The following SUCLA2 variants were observed in gnomAD, a reference collection of about 807,000 sequenced individuals.
The protein encoded by SUCLA2 is succinate-CoA ligase ADP-forming subunit beta, also known as succinate--CoA ligase [ADP-forming] subunit beta, mitochondrial.
Under a neutral mutation model 54.8 loss-of-function variants are expected in SUCLA2, and 30 were observed. The observed-to-expected ratio is 0.55, with a 90% confidence interval of 0.41 to 0.74. SUCLA2 has a LOEUF of 0.74. SUCLA2 is among the 30% of genes least tolerant of loss of function. The pLI is 0.00. For synonymous variants in SUCLA2, 172 were observed against 188.9 expected (o/e 0.91, Z 0.74); for missense variants, 476 against 562.9 (o/e 0.85, Z 1.56).
Position 47,943,171 on chromosome 13 carries a change from T to G in SUCLA2, c.*200A>C, listed in dbSNP as rs1949699441. The G allele has an allele frequency of 6.9e-6, 4 of 576,648 alleles. No homozygotes were observed. In the East Asian group the frequency reaches 1.2e-4, roughly 17 times the overall value. 35.7% of individuals were successfully genotyped at this position (576,648 alleles called of 1,614,324 possible). On this transcript the variant is annotated 3_prime_UTR_variant, in exon 11 of 11. Coordinates refer to ENST00000646932, the MANE Select transcript of SUCLA2 (RefSeq NM_003850.3). ...GCTGCGACAAAAGAAAGAAGATAAC[T>G]GCATTATACATGCTTCGTACAAACA... is the stretch of plus-strand genomic sequence containing the variant.
At chr13:48,000,101 C>T (rs1354181439) in intron 1 of SUCLA2, among the ~76,000 whole-genome samples, 6 of 150,866 alleles carry the variant, frequency 4.0e-5, no homozygotes, top group Admixed American at 4.0e-4. Context: ...AACTCACTAC[C>T]CCTAGGCTGA....
chr13:47,968,900 T>C lies in SUCLA2; in HGVS notation c.664-167A>G, dbSNP rs182303499. 2.5e-3 allele frequency among the ~76,000 whole-genome samples: 386 copies of C among 152,318 alleles called. 1 individual carries two copies. Among genetic ancestry groups the C allele is most frequent in the African/African-American group, 8.7e-3 (361 of 41,582 alleles). On this transcript the variant is annotated intron_variant, in intron 5 of 10. Transcript: ENST00000646932. ...ATTACTAAATGGTTAAACAAAACTT[T>C]TTATTCAAAATCTTCAAAAGATAGA...
At chr13:47,995,268 G>A (rs189694288) in intron 2 of SUCLA2, among the ~76,000 whole-genome samples, 4 of 152,040 alleles carry the variant, frequency 2.6e-5, no homozygotes, top group African/African-American at 9.6e-5. Flanking sequence ...ATATAAATCA[G>A]GTCCCATTAA....
intron 6 of SUCLA2, among the ~76,000 whole-genome samples, chr13:47,963,144 G>A (rs1031637017): frequency 6.6e-6 from 1 of 152,184 alleles, no homozygotes; most frequent in Non-Finnish European, 1.5e-5. Flanking sequence ...ATACTTCTCA[G>A]TGATTGGCTG....
intron 5 of SUCLA2, among the ~76,000 whole-genome samples, chr13:47,968,946 T>C (rs1412143092): frequency 6.6e-6 from 1 of 152,222 alleles, no homozygotes; most frequent in Non-Finnish European, 1.5e-5. Flanking sequence ...ATTTTATAGA[T>C]AAGAAAGAGA....
At chr13:47,955,105 G>T (rs1046326244) in intron 6 of SUCLA2, among the ~76,000 whole-genome samples, 2 of 152,076 alleles carry the variant, frequency 1.3e-5, no homozygotes, top group Non-Finnish European at 2.9e-5. Context: ...TTGAAGATTT[G>T]TCTAATTAAA....
At position 47,988,684 on chromosome 13, in the gene SUCLA2, C is replaced by T. The variant is rs772934054; in HGVS notation, c.391G>A (p.Val131Ile). ...IVFSPEEAKA[V>I]SSQMIGKKLF... is the part of the protein sequence containing the mutation. ...TTTTTCCCAATCATTTGTGAAGAAA[C>T]AGCTTTTGCTTCTTCTGGACTAAAA... is the stretch of plus-strand genomic sequence containing the variant. Residue 131 changes from valine to isoleucine, a missense_variant, in exon 4 of 11, where the codon GTT (valine) becomes ATT (isoleucine). This residue lies in a region of SUCLA2 where 342 missense variants were observed against 444.2 expected (regional missense o/e 0.77). Transcript: ENST00000646932. 6 of 1,613,670 alleles carry T rather than the reference C, an allele frequency of 3.7e-6. No individual in the cohort carries two copies. Among genetic ancestry groups the T allele is most frequent in the East Asian group, 2.2e-5 (1 of 44,840 alleles).
At chr13:47,997,879 C>G (rs1950202217) in intron 1 of SUCLA2, among the ~76,000 whole-genome samples, 1 of 152,132 alleles carries the variant, frequency 6.6e-6, no homozygotes, top group African/African-American at 2.4e-5. Context: ...TCTGCAGATT[C>G]CTGAGACCCA....
chr13:47,976,468 G>C (rs1298050097), intron 4 of SUCLA2, among the ~76,000 whole-genome samples: 1 of 152,172 alleles, frequency 6.6e-6, no homozygotes, highest in African/African-American at 2.4e-5. Flanking sequence ...CAGCTTCTTG[G>C]AGGGCTGTCC....
At chr13:47,983,057 C>T (rs7991049) in intron 4 of SUCLA2, among the ~76,000 whole-genome samples, 10,195 of 152,134 alleles carry the variant, frequency 0.067, 646 homozygotes, top group East Asian at 0.18. Flanking sequence ...CAGGACTATG[C>T]TCTTAGCCTC....
At chr13:47,977,001 GA>G (rs201766625) in intron 4 of SUCLA2, among the ~76,000 whole-genome samples, 9,685 of 132,268 alleles carry the variant, frequency 0.073, 596 homozygotes, top group East Asian at 0.2. Context: ...ACAAGGAACA[GA>G]AAAAAAAAAA....
At chr13:47,994,332 G>A (rs1018893560) in intron 2 of SUCLA2, among the ~76,000 whole-genome samples, 2 of 151,970 alleles carry the variant, frequency 1.3e-5, no homozygotes, top group African/African-American at 4.8e-5. Context: ...CACTTTGGGA[G>A]GCCTAGGCGG....
chr13:47,946,091 A>G (rs1385421838), intron 10 of SUCLA2, among the ~76,000 whole-genome samples: 2 of 152,238 alleles, frequency 1.3e-5, no homozygotes, highest in African/African-American at 4.8e-5. Context: ...GCATTTTATC[A>G]TCTCATTATC....
intron 10 of SUCLA2, among the ~76,000 whole-genome samples, chr13:47,947,861 C>A (rs1378055691): frequency 6.6e-6 from 1 of 152,130 alleles, no homozygotes; most frequent in Non-Finnish European, 1.5e-5. Context: ...GATTTTTCAA[C>A]AAATAAACCA....
chr13:47,969,422 G>A (rs1210530807), intron 5 of SUCLA2, among the ~76,000 whole-genome samples: 1 of 152,162 alleles, frequency 6.6e-6, no homozygotes, highest in African/African-American at 2.4e-5. Context: ...AAAAGATAAA[G>A]ATGTTTAACT....
At chr13:47,948,554 T>C (rs927817880) in intron 10 of SUCLA2, among the ~76,000 whole-genome samples, 1 of 152,126 alleles carries the variant, frequency 6.6e-6, no homozygotes, top group African/African-American at 2.4e-5. Context: ...CATAGTCCAA[T>C]TTTACCAAGA....
At chr13:47,974,408 G>A (rs1406881658) in intron 4 of SUCLA2, among the ~76,000 whole-genome samples, 1 of 151,992 alleles carries the variant, frequency 6.6e-6, no homozygotes, top group Non-Finnish European at 1.5e-5. Context: ...AACATAGTAA[G>A]ACTCCATTTC....
intron 6 of SUCLA2, among the ~76,000 whole-genome samples, chr13:47,968,251 A>C (rs951363146): frequency 2.0e-5 from 3 of 152,202 alleles, no homozygotes; most frequent in Non-Finnish European, 4.4e-5. Flanking sequence ...AACCATGACT[A>C]GTGCAACTGA....
At chr13:47,998,296 TAAAA>T (rs58573331) in intron 1 of SUCLA2, among the ~76,000 whole-genome samples, 2 of 136,158 alleles carry the variant, frequency 1.5e-5, no homozygotes, top group African/African-American at 2.8e-5. Flanking sequence ...ATAAATAAGT[TAAAA>T]AAAAAAAAAA....
Sources: gnomAD v4.1 joint callset for allele counts (sites outside exome capture counted in the v4.1 genomes callset) on GRCh38, gnomAD v4.1.1 for gene constraint, gnomAD v4.1.1 regional missense constraint, MANE v1.5 for transcripts, NCBI Gene and HGNC (gene_info 2026-07-23, HGNC 2026-07-21) for gene names.